HS3ST4: variants seen among roughly 807,000 people sequenced by gnomAD.
HS3ST4 encodes heparan sulfate glucosamine 3-O-sulfotransferase 4.
Under a neutral mutation model 29.2 loss-of-function variants are expected in HS3ST4, and 17 were observed. The observed-to-expected ratio is 0.58, with a 90% CI of 0.40 to 0.87. The LOEUF (loss-of-function observed/expected upper bound fraction) is 0.87, where lower values mean the gene tolerates loss of function less well. HS3ST4 is among the 40% of genes least tolerant of loss of function. The pLI, the probability that HS3ST4 is intolerant of heterozygous loss-of-function variation, is 0.00. For missense variants in HS3ST4, 627 were observed against 634.5 expected (o/e 0.99, Z 0.13); for synonymous variants, 314 against 285.7 (o/e 1.10, Z -1.00).
chr16:25,721,610 G>A (rs562393925), intron 1 of HS3ST4, among the ~76,000 whole-genome samples: 7 of 152,162 alleles, frequency 4.6e-5, no homozygotes, highest in Non-Finnish European at 7.4e-5. Flanking sequence ...GCCCGTCAGC[G>A]TATTTATGCA....
At chr16:26,028,642 G>A (rs1411027509) in intron 1 of HS3ST4, among the ~76,000 whole-genome samples, 2 of 152,174 alleles carry the variant, frequency 1.3e-5, no homozygotes, top group African/African-American at 4.8e-5. Flanking sequence ...CCAGAGATGA[G>A]GGTGACGTGG....
At chr16:25,933,202 C>G (rs1043071357) in intron 1 of HS3ST4, among the ~76,000 whole-genome samples, 1 of 152,148 alleles carries the variant, frequency 6.6e-6, no homozygotes, top group Non-Finnish European at 1.5e-5. Context: ...ATTAAACTGG[C>G]TTTAATTACT....
chr16:25,901,369 A>T (rs1427017129), intron 1 of HS3ST4, among the ~76,000 whole-genome samples: 1 of 152,280 alleles, frequency 6.6e-6, no homozygotes, highest in Middle Eastern at 3.4e-3. Flanking sequence ...TTCAGCAACC[A>T]TTCTTAAAAT....
At chr16:25,919,174 CA>C (rs1968321772) in intron 1 of HS3ST4, among the ~76,000 whole-genome samples, 1 of 152,078 alleles carries the variant, frequency 6.6e-6, no homozygotes, top group Non-Finnish European at 1.5e-5. Context: ...ACTACAGGTG[CA>C]TGCCACCACT....
In HS3ST4 at chr16:26,079,594, A is replaced by T. The variant is rs1247583757; in HGVS notation, c.735-56018A>T. 3.3e-5 allele frequency among the ~76,000 whole-genome samples: 5 copies of T among 152,256 alleles called. 1 individual carries two copies. The highest frequency in any genetic ancestry group is 2.1e-4 in the South Asian group (1 of 4,828). On this transcript the variant is annotated intron_variant, in intron 1 of 1. Transcript: ENST00000331351. Reference sequence around the variant, plus strand: ...ATAAGGCACCATTATTATCCCTGTTATACAAATTCAGTAAACTGAGGCTCA... The same window carrying T: ...ATAAGGCACCATTATTATCCCTGTTTTACAAATTCAGTAAACTGAGGCTCA...
chr16:26,108,493 C>G (rs4238940), intron 1 of HS3ST4, among the ~76,000 whole-genome samples: 86,384 of 152,026 alleles, frequency 0.57, 25,068 homozygotes, highest in Non-Finnish European at 0.64. Context: ...GCTTATAAAT[C>G]AAAAGGCAGA....
At chr16:26,094,515 A>T (rs573728408) in intron 1 of HS3ST4, among the ~76,000 whole-genome samples, 47 of 152,316 alleles carry the variant, frequency 3.1e-4, no homozygotes, top group African/African-American at 1.1e-3. Flanking sequence ...AACCAAACTA[A>T]GCTTCATAAG....
intron 1 of HS3ST4, among the ~76,000 whole-genome samples, chr16:25,919,369 A>G (rs1426545757): frequency 6.6e-6 from 1 of 152,228 alleles, no homozygotes; most frequent in Non-Finnish European, 1.5e-5. Flanking sequence ...GGAACAAAGT[A>G]GAAAAGATAG....
chr16:25,735,312 C>CT (rs1966600272), intron 1 of HS3ST4, among the ~76,000 whole-genome samples: 1 of 152,184 alleles, frequency 6.6e-6, no homozygotes, highest in Admixed American at 6.5e-5. Context: ...GATCCAGAGA[C>CT]TCAAATCATC....
chr16:25,755,802 C>G (rs949604947), intron 1 of HS3ST4, among the ~76,000 whole-genome samples: 23 of 152,136 alleles, frequency 1.5e-4, no homozygotes, highest in African/African-American at 5.5e-4. Flanking sequence ...CATATGTTCC[C>G]TAATTTTCCA....
At chr16:26,000,088 T>C (rs1040041183) in intron 1 of HS3ST4, among the ~76,000 whole-genome samples, 2 of 151,350 alleles carry the variant, frequency 1.3e-5, no homozygotes, top group African/African-American at 4.9e-5. Flanking sequence ...GCAACACAGA[T>C]CAGTATAAAA....
chr16:25,877,652 C>A (rs184731200), intron 1 of HS3ST4, among the ~76,000 whole-genome samples: 156 of 152,230 alleles, frequency 1.0e-3, no homozygotes, highest in Admixed American at 2.6e-3. Flanking sequence ...GAAGCATAGC[C>A]CCTGCTGACA....
chr16:25,826,183 T>A (rs2141636195), intron 1 of HS3ST4: 1 of 152,336 alleles, frequency 6.6e-6, no homozygotes, highest in Admixed American at 6.5e-5. Context: ...GCCACGTGCA[T>A]CTTGTAGAAA....
intron 1 of HS3ST4, among the ~76,000 whole-genome samples, chr16:26,009,977 C>T (rs1344950673): frequency 6.6e-6 from 1 of 152,184 alleles, no homozygotes; most frequent in Non-Finnish European, 1.5e-5. Context: ...CGGGCCGTAT[C>T]TCCTTTATTC....
At chr16:25,905,511 T>C (rs897432866) in intron 1 of HS3ST4, among the ~76,000 whole-genome samples, 2 of 152,068 alleles carry the variant, frequency 1.3e-5, no homozygotes, top group African/African-American at 4.8e-5. Context: ...GCTTGTGAAA[T>C]TGTGCAGACC....
chr16:26,021,290 A>G (rs1234010494), intron 1 of HS3ST4, among the ~76,000 whole-genome samples: 1 of 152,202 alleles, frequency 6.6e-6, no homozygotes, highest in Non-Finnish European at 1.5e-5. Flanking sequence ...TCGAAAAGTT[A>G]AAAGATCTGT....
chr16:25,935,639 G>T (rs1025409560), intron 1 of HS3ST4, among the ~76,000 whole-genome samples: 6 of 152,128 alleles, frequency 3.9e-5, no homozygotes, highest in African/African-American at 1.4e-4. Context: ...TGTCTTTGTG[G>T]CTTGATCACT....
At chr16:25,968,784 G>A (rs1489529651) in intron 1 of HS3ST4, among the ~76,000 whole-genome samples, 1 of 152,162 alleles carries the variant, frequency 6.6e-6, no homozygotes, top group Admixed American at 6.5e-5. Flanking sequence ...AACAGTGGTA[G>A]TCAGTTACCA....
intron 1 of HS3ST4, among the ~76,000 whole-genome samples, chr16:25,740,183 A>C (rs1269446511): frequency 1.3e-5 from 2 of 152,168 alleles, no homozygotes; most frequent in African/African-American, 2.4e-5. Context: ...GTCATGAGGC[A>C]CTGGACTACC....
Sources: gnomAD v4.1 joint callset for allele counts (sites outside exome capture counted in the v4.1 genomes callset) on GRCh38, gnomAD v4.1.1 for gene constraint, MANE v1.5 for transcripts, NCBI Gene and HGNC (gene_info 2026-07-23, HGNC 2026-07-21) for gene names.